IYD: variants seen among roughly 807,000 people sequenced by gnomAD.
IYD encodes the protein iodotyrosine deiodinase, also known as iodotyrosine deiodinase 1.
In IYD, 25 loss-of-function variants were observed where a neutral mutation model predicts 28.4. The ratio of observed to expected loss-of-function variants is 0.88; its 90% CI spans 0.64 to 1.23. The LOEUF (loss-of-function observed/expected upper bound fraction) is 1.23. Ranked by LOEUF, IYD falls within the 50% of genes most tolerant of loss-of-function variation. The probability of loss-of-function intolerance (pLI) is 0.00; values close to 1 mark genes in which losing one functional copy is unlikely to be tolerated. For synonymous variants in IYD, 140 were observed against 130.8 expected, an observed-to-expected ratio of 1.07 and a Z score of -0.48; for missense variants, 352 against 357.9, an observed-to-expected ratio of 0.98 and a Z score of 0.13.
Position 150,389,447 on chromosome 6 carries a change from G to T in IYD, c.274G>T (p.Glu92Ter). 6.2e-7 allele frequency: 1 copy of T among 1,613,820 alleles called. No homozygotes were observed. Among genetic ancestry groups the T allele is most frequent in the Non-Finnish European group, 8.5e-7 (1 of 1,179,794 alleles). Residue 92 changes from glutamate (E) to a stop codon, truncating the protein, a stop_gained, in exon 2 of 5, where the codon GAA (glutamate) becomes TAA (stop). Coordinates refer to ENST00000344419, the MANE Select transcript of IYD (RefSeq NM_203395.3). LOFTEE classifies it high-confidence loss of function. The part of the protein sequence containing the change: ...PEKEMVKRSQ[E>*]FYELLNKRRS... Reference sequence around the variant, plus strand: ...GAAGGAAATGGTTAAGAGGTCTCAGGAATTTTATGAACTTCTCAATAAGAG... The same window carrying T: ...GAAGGAAATGGTTAAGAGGTCTCAGTAATTTTATGAACTTCTCAATAAGAG...
At chr6:150,390,590 C>A (rs1582794431) in intron 2 of IYD, among the ~76,000 whole-genome samples, 1 of 152,138 alleles carries the variant, frequency 6.6e-6, no homozygotes, top group South Asian at 2.1e-4. Flanking sequence ...CAAGCAAGAA[C>A]CCCACCAAGA....
Position 150,388,630 on chromosome 6 carries a change from G to GCTTTCTTTCTT in IYD, c.179-721_179-711dup, listed in dbSNP as rs1554231468. On this transcript the variant is annotated intron_variant, in intron 1 of 4. Transcript: ENST00000344419. Reference sequence around the variant, plus strand: ...TCTAGATTTATAGTCTGGAGTTTTTGCTTTCTTTCTTTCTTTCTTTCTTTC... The same window carrying GCTTTCTTTCTT: ...TCTAGATTTATAGTCTGGAGTTTTTGCTTTCTTTCTTCTTTCTTTCTTTCTTTCTTTCTTTC... Among the ~76,000 whole-genome samples, 360 of 129,406 alleles carry GCTTTCTTTCTT rather than the reference G, an allele frequency of 2.8e-3. 2 individuals carry two copies. The highest frequency in any genetic ancestry group is 0.011 in the African/African-American group (345 of 32,440). The allele number at this position is 129,406 out of a possible 152,430, so 84.9% of individuals were successfully genotyped here.
chr6:150,395,708 G>T (rs1481633248), intron 4 of IYD: 15 of 754,524 alleles, frequency 2.0e-5, no homozygotes, highest in Non-Finnish European at 3.0e-5. Context: ...CTCCAGTATG[G>T]TGACTGGGTC....
intron 4 of IYD, chr6:150,396,492 C>A (rs1164999960): frequency 2.9e-6 from 2 of 698,988 alleles, no homozygotes; most frequent in Non-Finnish European, 2.6e-6. Context: ...TAGAGACATA[C>A]AAAATTCAGT....
In IYD at chr6:150,401,398, G is replaced by A. The variant is rs1366813407; in HGVS notation, c.*3161G>A. The A allele has an allele frequency of 2.0e-5, 3 of 152,146 alleles. No individual in the cohort carries two copies. Among genetic ancestry groups the A allele is most frequent in the Non-Finnish European group, 1.5e-5 (1 of 68,042 alleles). The allele number at this position is 152,146 out of a possible 1,614,324, so 9.4% of individuals were successfully genotyped here. A position where few individuals can be genotyped will look rare whatever the true frequency, so the allele number is the denominator to read the frequency against. Reference sequence around the variant, plus strand: ...GAACCGACTGAGTAATGAAGAAGAGGAAGGAAGCCCTTGGAAGGAACGTAA... The same window carrying A: ...GAACCGACTGAGTAATGAAGAAGAGAAAGGAAGCCCTTGGAAGGAACGTAA... On this transcript the variant is annotated 3_prime_UTR_variant, in exon 5 of 5. Coordinates refer to ENST00000344419, the MANE Select transcript of IYD (RefSeq NM_203395.3).
chr6:150,370,439 G>T, intron 1 of IYD: 1 of 961,436 alleles, frequency 1.0e-6, no homozygotes, highest in Non-Finnish European at 1.2e-6. Flanking sequence ...GTTTGTGAGA[G>T]AGTGTGTGCA....
chr6:150,394,111 TAA>T lies in IYD; in HGVS notation c.545_546del (p.Lys182ArgfsTer32), dbSNP rs775692872. 4 of 1,614,060 alleles carry T rather than the reference TAA, an allele frequency of 2.5e-6. No homozygotes were observed. In the African/African-American group the frequency reaches 5.3e-5, roughly 22 times the overall value. On this transcript the variant is annotated frameshift_variant, in exon 4 of 5. Transcript: ENST00000344419. LOFTEE classifies it high-confidence loss of function. ...DLKKLRTNWI[K>X]EYLDTAPILI... ...TTTCTCTTCACAGAACCAACTGGAT[TAA>T]AGAGTACTTGGATACTGCCCCTATT...
At chr6:150,390,687 C>T (rs1335062129) in intron 2 of IYD, among the ~76,000 whole-genome samples, 1 of 152,144 alleles carries the variant, frequency 6.6e-6, no homozygotes. Context: ...TCTGAAATAT[C>T]CCACCCATGA....
chr6:150,370,529 G>C, intron 1 of IYD: 1 of 985,418 alleles, frequency 1.0e-6, no homozygotes. Context: ...AGTGCTGACT[G>C]CACCGTACAG....
chr6:150,369,239 C>T (rs778854930), intron 1 of IYD, 30 bp downstream of exon 1: 6 of 1,603,018 alleles, frequency 3.7e-6, no homozygotes, highest in Admixed American at 3.3e-5. Flanking sequence ...TGCTTAGCTT[C>T]GCTGTCGTGT....
chr6:150,379,255 A>T (rs1368559046), intron 1 of IYD, among the ~76,000 whole-genome samples: 17 of 151,880 alleles, frequency 1.1e-4, no homozygotes, highest in Admixed American at 1.1e-3. Flanking sequence ...TTCGATTTCT[A>T]TTTCTAAGGT....
chr6:150,398,041 T>C lies in IYD; in HGVS notation c.688-14T>C. 6.2e-7 allele frequency: 1 copy of C among 1,613,778 alleles called. No individual in the cohort carries two copies. On this transcript the variant is annotated splice_polypyrimidine_tract_variant and intron_variant, in intron 4 of 4. Coordinates refer to ENST00000344419, the MANE Select transcript of IYD (RefSeq NM_203395.3). ...CTGCTGACTTTAAAATGCTTTCTTG[T>C]CCTCTTATTTTAGAATGCAGGTCTG...
intron 2 of IYD, among the ~76,000 whole-genome samples, chr6:150,390,161 A>T (rs1021846085): frequency 2.0e-5 from 3 of 152,236 alleles, no homozygotes; most frequent in African/African-American, 7.2e-5. Context: ...TTGGAGTCTT[A>T]TTCTTACATA....
intron 1 of IYD, among the ~76,000 whole-genome samples, chr6:150,369,824 A>G (rs1443656940): frequency 1.3e-5 from 2 of 152,170 alleles, no homozygotes; most frequent in Non-Finnish European, 2.9e-5. Context: ...ATAGGGTACA[A>G]ATAGCAAGTG....
intron 1 of IYD, among the ~76,000 whole-genome samples, chr6:150,375,952 G>A (rs1181008748): frequency 6.6e-6 from 1 of 152,190 alleles, no homozygotes; most frequent in Non-Finnish European, 1.5e-5. Context: ...TAGTAGAACT[G>A]TAAAAACACT....
intron 1 of IYD, among the ~76,000 whole-genome samples, chr6:150,388,738 G>A (rs1777996301): frequency 8.3e-6 from 1 of 120,912 alleles, no homozygotes; most frequent in Non-Finnish European, 1.6e-5. Context: ...GTCTCACTCT[G>A]TCACCCAGGC....
intron 1 of IYD, chr6:150,370,825 C>A (rs1346957752): frequency 4.5e-6 from 1 of 221,942 alleles, no homozygotes; most frequent in Non-Finnish European, 7.6e-6. Context: ...AGACTGGAAG[C>A]TATCATAAGT....
intron 1 of IYD, chr6:150,384,463 T>G (rs1321583253): frequency 6.6e-6 from 1 of 152,246 alleles, no homozygotes; most frequent in African/African-American, 2.4e-5. Context: ...GGCCTCATTT[T>G]GGTATATTTT....
intron 1 of IYD, among the ~76,000 whole-genome samples, chr6:150,386,194 T>G (rs1350156827): frequency 6.6e-6 from 1 of 152,084 alleles, no homozygotes; most frequent in Non-Finnish European, 1.5e-5. Context: ...TGAAATTGAT[T>G]TTTAATTCAT....
Sources: gnomAD v4.1 joint callset for allele counts (sites outside exome capture counted in the v4.1 genomes callset) on GRCh38, gnomAD v4.1.1 for gene constraint, MANE v1.5 for transcripts, NCBI Gene and HGNC (gene_info 2026-07-23, HGNC 2026-07-21) for gene names.